The following TOP1 variants were observed in gnomAD, a reference collection of about 807,000 sequenced individuals.
The protein encoded by TOP1 is DNA topoisomerase 1.
Under a neutral mutation model 111.1 loss-of-function variants are expected in TOP1, and 10 were observed. That is an observed-to-expected ratio of 0.09 (90% CI 0.06 to 0.15). The LOEUF (loss-of-function observed/expected upper bound fraction) is 0.15, where lower values mean the gene tolerates loss of function less well. Among genes scored for constraint, TOP1 ranks in the 10% least tolerant of loss-of-function variants. The probability of loss-of-function intolerance (pLI) is 1.00; values close to 1 mark genes in which losing one functional copy is unlikely to be tolerated. For synonymous variants in TOP1, 271 were observed against 302.9 expected (o/e 0.89, Z 1.10); for missense variants, 474 against 926.7 (o/e 0.51, Z 6.34).
intron 13 of TOP1, among the ~76,000 whole-genome samples, chr20:41,103,318 CTAACTTAGATCTTCTTAGAATG>C (rs1325640297): frequency 6.6e-6 from 1 of 152,174 alleles, no homozygotes; most frequent in Non-Finnish European, 1.5e-5. Flanking sequence ...GCTAGTAACT[CTAACTTAGATCTTCTTAGAATG>C]TAACTTAGAT....
In TOP1 at chr20:41,079,850, TAA is replaced by T. The variant is rs549500988; in HGVS notation, c.336-233_336-232del. Among the ~76,000 whole-genome samples, 190 of 152,318 alleles carry T rather than the reference TAA, an allele frequency of 1.2e-3. No individual in the cohort carries two copies. Among genetic ancestry groups the T allele is most frequent in the Admixed American group, 3.9e-3 (59 of 15,298 alleles). On this transcript the variant is annotated intron_variant, in intron 5 of 20. Transcript: ENST00000361337. This position sits in a 1 kb window ranked among gnomAD's most constrained non-coding sequence, Gnocchi z 4.0. ...AGTGAGAAAGAATTCTGACTTAGAA[TAA>T]AGAGTCTTGATCCCAAATCCTGATA...
intron 9 of TOP1, among the ~76,000 whole-genome samples, chr20:41,096,728 C>T (rs1298431400): frequency 2.0e-5 from 3 of 152,108 alleles, no homozygotes; most frequent in South Asian, 2.1e-4. Context: ...ATTCATATTC[C>T]ACCCACCTAA....
rs2034074824 is a variant in TOP1, at chr20:41,102,261, T to C, written c.1308+908T>C. Among the ~76,000 whole-genome samples, 1 of 152,244 alleles carries C rather than the reference T, an allele frequency of 6.6e-6. No homozygotes were observed. The highest frequency in any genetic ancestry group is 2.1e-4 in the South Asian group (1 of 4,832). Reference sequence around the variant, plus strand: ...GCTTGTAGCCCTGTGTTCTTCTGTATATCACTACTTTTCTAATGAAAAATA... The same window carrying C: ...GCTTGTAGCCCTGTGTTCTTCTGTACATCACTACTTTTCTAATGAAAAATA... On this transcript the variant is annotated intron_variant, in intron 13 of 20. Coordinates refer to ENST00000361337, the MANE Select transcript of TOP1 (RefSeq NM_003286.4). This position sits in a 1 kb window ranked among gnomAD's most constrained non-coding sequence, Gnocchi z 4.0.
intron 13 of TOP1, among the ~76,000 whole-genome samples, chr20:41,104,742 G>C (rs893363718): frequency 2.0e-5 from 3 of 152,180 alleles, no homozygotes; most frequent in Admixed American, 2.0e-4. Context: ...TGGAAAAGTG[G>C]TGCCATTAGG....
chr20:41,092,463 CTT>C lies in TOP1; in HGVS notation c.615-6_615-5del. On this transcript the variant is annotated splice_region_variant and splice_polypyrimidine_tract_variant and intron_variant, in intron 8 of 20. Transcript: ENST00000361337. This position sits in a 1 kb window ranked among gnomAD's most constrained non-coding sequence, Gnocchi z 4.3. Reference sequence around the variant, plus strand: ...ATCACTAAATGAGGCTGTGCTTTGTCTTTTAAAGGTGGGAAGAAGAGCGCTAT... The same window carrying C: ...ATCACTAAATGAGGCTGTGCTTTGTCTTAAAGGTGGGAAGAAGAGCGCTAT... 1 of 1,467,168 alleles carries C rather than the reference CTT, an allele frequency of 6.8e-7. No individual in the cohort carries two copies. The highest frequency in any genetic ancestry group is 9.3e-7 in the Non-Finnish European group (1 of 1,073,718). 90.9% of individuals were successfully genotyped at this position (1,467,168 alleles called of 1,614,324 possible). A position where few individuals can be genotyped will look rare whatever the true frequency, so the allele number is the denominator to read the frequency against.
chr20:41,091,948 TG>T (rs2033925660), intron 8 of TOP1, among the ~76,000 whole-genome samples: 1 of 152,210 alleles, frequency 6.6e-6, no homozygotes, highest in African/African-American at 2.4e-5. Context: ...CACTTATCAG[TG>T]TTTGCTAGAT....
At position 41,112,700 on chromosome 20, in the gene TOP1, G is replaced by A. The variant is rs2034262296; in HGVS notation, c.1309-82G>A. The A allele has an allele frequency of 1.8e-5, 27 of 1,478,646 alleles. No homozygotes were observed. Among genetic ancestry groups the A allele is most frequent in the Non-Finnish European group, 2.1e-5 (23 of 1,082,400 alleles). 91.6% of individuals were successfully genotyped at this position (1,478,646 alleles called of 1,614,324 possible). On this transcript the variant is annotated intron_variant, in intron 13 of 20. Transcript: ENST00000361337. The surrounding 1 kb of genome is among the most constrained non-coding windows in gnomAD (Gnocchi z 5.8). Reference sequence around the variant, plus strand: ...TAGCTAGCTGGGATTATAGGCTTGCGCCACCTTGCCTGGCTATATTCAAAG... The same window carrying A: ...TAGCTAGCTGGGATTATAGGCTTGCACCACCTTGCCTGGCTATATTCAAAG...
In TOP1 at chr20:41,029,392, G is replaced by A. The variant is rs1192202072; in HGVS notation, c.34-39G>A. 2 of 1,452,506 alleles carry A rather than the reference G, an allele frequency of 1.4e-6. No individual in the cohort carries two copies. The highest frequency in any genetic ancestry group is 5.3e-5 in the Admixed American group (2 of 37,642). The allele number at this position is 1,452,506 out of a possible 1,614,324, so 90.0% of individuals were successfully genotyped here. On this transcript the variant is annotated intron_variant, in intron 1 of 20. Transcript: ENST00000361337. The surrounding 1 kb of genome is among the most constrained non-coding windows in gnomAD (Gnocchi z 6.1). ...CGCGCTCGCCGCCGGAGGGGTTAAA[G>A]TGGCTGTTGTTTGATATTCTCTCCT...
rs73909141 is a variant in TOP1, at chr20:41,079,494, A to G, written c.336-591A>G. Among the ~76,000 whole-genome samples, 3,135 of 152,346 alleles carry G rather than the reference A, an allele frequency of 0.021. 101 individuals carry two copies. Among genetic ancestry groups the G allele is most frequent in the African/African-American group, 0.071 (2,937 of 41,566 alleles). On this transcript the variant is annotated intron_variant, in intron 5 of 20. Transcript: ENST00000361337. The surrounding 1 kb of genome is among the most constrained non-coding windows in gnomAD (Gnocchi z 4.0). Reference sequence around the variant, plus strand: ...TAAACCTAAGTTAGGACGTTGAACAATGAATAGATTTGGCATAGGATACCT... The same window carrying G: ...TAAACCTAAGTTAGGACGTTGAACAGTGAATAGATTTGGCATAGGATACCT...
intron 2 of TOP1, among the ~76,000 whole-genome samples, chr20:41,045,948 A>G (rs1347983977): frequency 1.3e-5 from 2 of 152,184 alleles, no homozygotes; most frequent in East Asian, 1.9e-4. Context: ...AGCTAGACAT[A>G]TATTAGTCTG....
At chr20:41,119,397 T>C (rs1421465016) in intron 18 of TOP1, among the ~76,000 whole-genome samples, 1 of 152,178 alleles carries the variant, frequency 6.6e-6, no homozygotes, top group Non-Finnish European at 1.5e-5. Flanking sequence ...GGAGAATCAC[T>C]TGAGCTGAGT....
chr20:41,074,175 A>G (rs540354776), intron 3 of TOP1, among the ~76,000 whole-genome samples: 1 of 152,122 alleles, frequency 6.6e-6, no homozygotes, highest in East Asian at 1.9e-4. Flanking sequence ...TGCTAATGCA[A>G]TTGGAAGACT....
In TOP1 at chr20:41,118,879, T is replaced by A. The variant is rs903625131; in HGVS notation, c.1950+583T>A. On this transcript the variant is annotated intron_variant, in intron 18 of 20. Coordinates refer to ENST00000361337, the MANE Select transcript of TOP1 (RefSeq NM_003286.4). The surrounding 1 kb of genome is among the most constrained non-coding windows in gnomAD (Gnocchi z 4.6). ...GCAAATAGGTGCTATTCCTTGTCCCTGAGCCTCTTTCCTCCTCCTAACTCC... is the reference window on the plus strand; with the variant it reads ...GCAAATAGGTGCTATTCCTTGTCCCAGAGCCTCTTTCCTCCTCCTAACTCC... Among the ~76,000 whole-genome samples the A allele has an allele frequency of 6.6e-6, 1 of 152,210 alleles. No individual in the cohort carries two copies. Among genetic ancestry groups the A allele is most frequent in the Non-Finnish European group, 1.5e-5 (1 of 68,038 alleles).
At chr20:41,043,797 A>G (rs1412740063) in intron 2 of TOP1, among the ~76,000 whole-genome samples, 4 of 152,222 alleles carry the variant, frequency 2.6e-5, no homozygotes, top group Non-Finnish European at 5.9e-5. Flanking sequence ...GCGTTCCTTA[A>G]TGGAAGCAAA....
intron 2 of TOP1, among the ~76,000 whole-genome samples, chr20:41,033,029 TAGTG>T (rs1294606320): frequency 6.6e-6 from 1 of 152,202 alleles, no homozygotes. Context: ...TTTTTAGAAT[TAGTG>T]AGCCGCTAGG....
At chr20:41,068,461 G>T (rs917064728) in intron 3 of TOP1, among the ~76,000 whole-genome samples, 2 of 151,992 alleles carry the variant, frequency 1.3e-5, no homozygotes, top group Non-Finnish European at 2.9e-5. Flanking sequence ...GCTTGGGCGC[G>T]GTGGTGTGAT....
Position 41,061,133 on chromosome 20 carries a change from A to C in TOP1, c.59-261A>C, listed in dbSNP as rs1223595387. ...TTATGTCTAGGGAGAAAAACGCCAAACTGTGGCTTCTTTCCACAGAATAAT... is the reference window on the plus strand; with the variant it reads ...TTATGTCTAGGGAGAAAAACGCCAACCTGTGGCTTCTTTCCACAGAATAAT... On this transcript the variant is annotated intron_variant, in intron 2 of 20. Coordinates refer to ENST00000361337, the MANE Select transcript of TOP1 (RefSeq NM_003286.4). This position sits in a 1 kb window ranked among gnomAD's most constrained non-coding sequence, Gnocchi z 4.6. Among the ~76,000 whole-genome samples, 3 of 152,164 alleles carry C rather than the reference A, an allele frequency of 2.0e-5. No individual in the cohort carries two copies. Among genetic ancestry groups the C allele is most frequent in the Admixed American group, 2.0e-4 (3 of 15,278 alleles).
chr20:41,101,483 C>A lies in TOP1; in HGVS notation c.1308+130C>A. 1.0e-6 allele frequency: 1 copy of A among 998,912 alleles called. No homozygotes were observed. The highest frequency in any genetic ancestry group is 1.4e-6 in the Non-Finnish European group (1 of 695,802). The allele number at this position is 998,912 out of a possible 1,614,324, so 61.9% of individuals were successfully genotyped here. On this transcript the variant is annotated intron_variant, in intron 13 of 20. Transcript: ENST00000361337. The surrounding 1 kb of genome is among the most constrained non-coding windows in gnomAD (Gnocchi z 4.1). ...CCTCCCCATTGAAAGAAGGCAAGTACTTTCATAGTTAGCATTATGGTGATC... is the reference window on the plus strand; with the variant it reads ...CCTCCCCATTGAAAGAAGGCAAGTAATTTCATAGTTAGCATTATGGTGATC...
At chr20:41,085,059 A>G (rs1206695531) in intron 8 of TOP1, among the ~76,000 whole-genome samples, 4 of 149,364 alleles carry the variant, frequency 2.7e-5, no homozygotes, top group Non-Finnish European at 5.9e-5. Context: ...AATTTATGGC[A>G]GGTGGACACC....
Sources: allele counts gnomAD v4.1 joint callset (sites outside exome capture counted in the v4.1 genomes callset), GRCh38; gene constraint gnomAD v4.1.1; non-coding constraint Gnocchi (gnomAD v3.1); transcripts MANE v1.5; gene names NCBI Gene and HGNC (gene_info 2026-07-23, HGNC 2026-07-21).